Variants in RSPH9 observed in about 807,000 individuals in gnomAD.
RSPH9 encodes radial spoke head protein 9 homolog.
A neutral mutation model predicts 27.0 loss-of-function variants in RSPH9; 27 were observed. The observed-to-expected ratio is 1.00, with a 90% CI of 0.74 to 1.38. The LOEUF (loss-of-function observed/expected upper bound fraction) is 1.38. Ranked by LOEUF, RSPH9 falls within the 40% of genes most tolerant of loss-of-function variation. The probability of loss-of-function intolerance (pLI) is 0.00; values close to 1 mark genes in which losing one functional copy is unlikely to be tolerated. For synonymous variants in RSPH9, 145 were observed against 147.7 expected, an observed-to-expected ratio of 0.98 and a Z score of 0.13; for missense variants, 347 against 357.4, an observed-to-expected ratio of 0.97 and a Z score of 0.24.
intron 2 of RSPH9, among the ~76,000 whole-genome samples, chr6:43,651,700 T>C (rs111959750): frequency 0.14 from 21,751 of 151,660 alleles, 3,593 homozygotes; most frequent in African/African-American, 0.41. Context: ...AGGTGCCTGA[T>C]GCCACACCCA....
intron 4 of RSPH9, among the ~76,000 whole-genome samples, chr6:43,662,390 G>A (rs1275415907): frequency 6.8e-5 from 10 of 147,708 alleles, no homozygotes; most frequent in South Asian, 2.2e-4. Flanking sequence ...TTTTTGAGAC[G>A]GAGTCTTGCT....
intron 2 of RSPH9, among the ~76,000 whole-genome samples, chr6:43,655,269 C>T (rs191010988): frequency 1.3e-5 from 2 of 152,314 alleles, no homozygotes; most frequent in African/African-American, 4.8e-5. Flanking sequence ...TCAATGGTGG[C>T]TGCCCCCAGT....
intron 4 of RSPH9, among the ~76,000 whole-genome samples, chr6:43,660,495 G>A (rs143543711): frequency 6.1e-4 from 93 of 151,740 alleles, no homozygotes; most frequent in Admixed American, 2.3e-3. Flanking sequence ...ACAGAGTCTT[G>A]CTCTGTCACA....
At position 43,671,120 on chromosome 6, in the gene RSPH9, G is replaced by C. The variant is rs532171701; in HGVS notation, c.*171G>C. On this transcript the variant is annotated 3_prime_UTR_variant, in exon 5 of 5. Transcript: ENST00000372163. ...GCTCATTTCTAAACCAAGTGGCAGA[G>C]GGGTTGGAATGTGCTAATGAAAGAG... 3.9e-6 allele frequency: 3 copies of C among 762,036 alleles called. No homozygotes were observed. In the African/African-American group the frequency reaches 5.2e-5, roughly 13 times the overall value. 47.2% of individuals were successfully genotyped at this position (762,036 alleles called of 1,614,324 possible). A position where few individuals can be genotyped will look rare whatever the true frequency, so the allele number is the denominator to read the frequency against.
chr6:43,667,523 A>T (rs1005155172), intron 4 of RSPH9, among the ~76,000 whole-genome samples: 3 of 152,218 alleles, frequency 2.0e-5, no homozygotes, highest in Non-Finnish European at 2.9e-5. Flanking sequence ...GCGGGGGGGA[A>T]CATGGTGCCC....
intron 1 of RSPH9, among the ~76,000 whole-genome samples, chr6:43,645,902 A>C (rs908294622): frequency 6.6e-6 from 1 of 152,144 alleles, no homozygotes; most frequent in Non-Finnish European, 1.5e-5. Context: ...GAATGGGGAG[A>C]GAGCTGGGGA....
intron 4 of RSPH9, among the ~76,000 whole-genome samples, chr6:43,662,834 T>C (rs770196571): frequency 3.3e-5 from 5 of 152,180 alleles, no homozygotes; most frequent in Non-Finnish European, 7.3e-5. Context: ...TCTTGCTTCA[T>C]CACCCAGACT....
Position 43,653,446 on chromosome 6 carries a change from C to CAAAA in RSPH9, c.394-2100_394-2097dup, listed in dbSNP as rs79873267. Among the ~76,000 whole-genome samples the CAAAA allele has an allele frequency of 4.2e-4, 32 of 75,472 alleles. 2 individuals carry two copies. Among genetic ancestry groups the CAAAA allele is most frequent in the African/African-American group, 1.4e-3 (31 of 22,792 alleles). 49.5% of individuals were successfully genotyped at this position (75,472 alleles called of 152,430 possible). A position where few individuals can be genotyped will look rare whatever the true frequency, so the allele number is the denominator to read the frequency against. On this transcript the variant is annotated intron_variant, in intron 2 of 4. Transcript: ENST00000372163. ...TGGGTGACAGAGCAAGACTCCGTCT[C>CAAAA]AAAAAAAAAAAAAAAAAAAGACCAT... is the stretch of plus-strand genomic sequence containing the variant.
In RSPH9 at chr6:43,671,026, G is replaced by A. The variant is rs769574834; in HGVS notation, c.*77G>A. The A allele has an allele frequency of 1.3e-6, 2 of 1,563,250 alleles. No homozygotes were observed. Among genetic ancestry groups the A allele is most frequent in the South Asian group, 2.3e-5 (2 of 87,450 alleles). On this transcript the variant is annotated 3_prime_UTR_variant, in exon 5 of 5. Coordinates refer to ENST00000372163, the MANE Select transcript of RSPH9 (RefSeq NM_152732.5). ...AAGCTTCAGTGAACTTGGCCTGCCT[G>A]TTCTGTCCTATCTTCTTAACTCCAC...
At chr6:43,658,602 G>A (rs1264030648) in intron 4 of RSPH9, among the ~76,000 whole-genome samples, 3 of 152,082 alleles carry the variant, frequency 2.0e-5, no homozygotes, top group African/African-American at 4.8e-5. Context: ...GTGCAGTGGC[G>A]CAATCTCGGC....
chr6:43,654,639 A>G (rs1771823212), intron 2 of RSPH9, among the ~76,000 whole-genome samples: 1 of 152,156 alleles, frequency 6.6e-6, no homozygotes, highest in South Asian at 2.1e-4. Context: ...CCTGGCCAAC[A>G]TGGTGAAACT....
intron 1 of RSPH9, among the ~76,000 whole-genome samples, chr6:43,647,667 C>T (rs904272425): frequency 6.6e-6 from 1 of 152,060 alleles, no homozygotes; most frequent in African/African-American, 2.4e-5. Context: ...TGTGAGGTGC[C>T]TGAGTTACAA....
At chr6:43,647,347 G>T (rs1472410069) in intron 1 of RSPH9, among the ~76,000 whole-genome samples, 1 of 152,150 alleles carries the variant, frequency 6.6e-6, no homozygotes, top group Admixed American at 6.5e-5. Flanking sequence ...TGCAAGAAGA[G>T]CCTGCTCCGA....
At chr6:43,656,901 T>C (rs1373872801) in intron 4 of RSPH9, among the ~76,000 whole-genome samples, 178 bp downstream of exon 4, 2 of 152,162 alleles carry the variant, frequency 1.3e-5, no homozygotes, top group East Asian at 3.8e-4. Context: ...CACTGATGAG[T>C]GTCCTTGAAT....
intron 4 of RSPH9, among the ~76,000 whole-genome samples, chr6:43,662,855 G>T (rs776124190): frequency 2.6e-5 from 4 of 152,114 alleles, no homozygotes; most frequent in African/African-American, 4.8e-5. Flanking sequence ...GGAGTGCAGT[G>T]GCATGATCAT....
chr6:43,647,198 G>C (rs1770978423), intron 1 of RSPH9, among the ~76,000 whole-genome samples: 1 of 147,716 alleles, frequency 6.8e-6, no homozygotes. Context: ...TTTATTTAGG[G>C]AACAGTTAGA....
rs1321385062 is a variant in RSPH9 at position 43,671,974 on chromosome 6, C to T, written c.*1025C>T. 6 of 1,485,578 alleles carry T rather than the reference C, an allele frequency of 4.0e-6. No homozygotes were observed. The African/African-American group carries it at 5.6e-5, about 14-fold the overall frequency. 92.0% of individuals were successfully genotyped at this position (1,485,578 alleles called of 1,614,324 possible). ...CCAAGCTGGACGTGGGAGAGTGGAG[C>T]ACTACCTCCTCAGGCCAGGCCACGG... On this transcript the variant is annotated 3_prime_UTR_variant, in exon 5 of 5. Transcript: ENST00000372163.
intron 2 of RSPH9, 123 bp from the exon 3 acceptor site, chr6:43,655,439 C>T: frequency 9.8e-7 from 1 of 1,019,652 alleles, no homozygotes; most frequent in Non-Finnish European, 1.5e-6. Flanking sequence ...CCAGCGTGAT[C>T]TGTGTGGCTC....
Position 43,671,470 on chromosome 6 carries a change from G to C in RSPH9, c.*521G>C, listed in dbSNP as rs572620608. On this transcript the variant is annotated 3_prime_UTR_variant, in exon 5 of 5. Transcript: ENST00000372163. The stretch of plus-strand genomic sequence containing the variant: ...CCCAATGGGTAAGCCCATGAACCCA[G>C]TTTATGACACTGCGTTGGGCAAAAC... The C allele has an allele frequency of 6.3e-5, 31 of 493,672 alleles. No individual in the cohort carries two copies. The highest frequency in any genetic ancestry group is 5.2e-4 in the African/African-American group (27 of 51,728). 30.6% of individuals were successfully genotyped at this position (493,672 alleles called of 1,614,324 possible). A position where few individuals can be genotyped will look rare whatever the true frequency, so the allele number is the denominator to read the frequency against.
Sources: gnomAD v4.1 joint callset for allele counts (sites outside exome capture counted in the v4.1 genomes callset) on GRCh38, gnomAD v4.1.1 for gene constraint, MANE v1.5 for transcripts, NCBI Gene and HGNC (gene_info 2026-07-23, HGNC 2026-07-21) for gene names.